CDH3: variants seen among roughly 807,000 people sequenced by gnomAD.
CDH3 encodes the protein cadherin-3.
A neutral mutation model predicts 82.0 loss-of-function variants in CDH3; 54 were observed. That is an observed-to-expected ratio of 0.66 (90% CI 0.53 to 0.83). The LOEUF (loss-of-function observed/expected upper bound fraction) is 0.83. Among genes scored for constraint, CDH3 ranks in the 40% least tolerant of loss-of-function variants. The pLI is 0.00. For missense variants in CDH3, 1,054 were observed against 1,084.6 expected (o/e 0.97, Z 0.40); for synonymous variants, 446 against 437.9 (o/e 1.02, Z -0.23).
intron 2 of CDH3, among the ~76,000 whole-genome samples, chr16:68,649,036 TG>T (rs1960164270): frequency 2.0e-5 from 3 of 152,034 alleles, no homozygotes; most frequent in Non-Finnish European, 2.9e-5. Context: ...TGCCACAGTC[TG>T]GGGGCCACCT....
At chr16:68,727,845 G>A (rs971830121), downstream of CDH3, among the ~76,000 whole-genome samples, 2 of 151,964 alleles carry the variant, frequency 1.3e-5, no homozygotes, top group Non-Finnish European at 2.9e-5. Flanking sequence ...GAAGGCAGAG[G>A]TTGCAATGAG....
At chr16:68,687,801 C>A in intron 12 of CDH3, 65 bp downstream of exon 12, 1 of 1,120,364 alleles carries the variant, frequency 8.9e-7, no homozygotes, top group Non-Finnish European at 1.4e-6. Context: ...TGCCCCACAC[C>A]AGGATTCTGC....
chr16:68,711,553 C>G (rs926589525), intron 1 of CDH3, among the ~76,000 whole-genome samples: 5 of 152,028 alleles, frequency 3.3e-5, no homozygotes, highest in Non-Finnish European at 7.4e-5. Flanking sequence ...ATGCCAGGGA[C>G]GGTATGGTGC....
At chr16:68,660,195 A>G (rs1053758554) in intron 2 of CDH3, among the ~76,000 whole-genome samples, 1 of 152,238 alleles carries the variant, frequency 6.6e-6, no homozygotes, top group South Asian at 2.1e-4. Context: ...TTGAGCTTTC[A>G]TGTTTAAACA....
At chr16:68,659,445 C>G (rs908405449) in intron 2 of CDH3, among the ~76,000 whole-genome samples, 4 of 151,954 alleles carry the variant, frequency 2.6e-5, no homozygotes, top group Admixed American at 2.0e-4. Context: ...TGGTGCATGC[C>G]TGTAGTCCCA....
chr16:68,680,725 C>T (rs1961196571), intron 7 of CDH3, among the ~76,000 whole-genome samples: 1 of 152,102 alleles, frequency 6.6e-6, no homozygotes, highest in African/African-American at 2.4e-5. Context: ...GGTCAGGGGG[C>T]GATGCCAAGG....
chr16:68,646,464 G>A (rs1184861044), intron 2 of CDH3, among the ~76,000 whole-genome samples: 1 of 151,828 alleles, frequency 6.6e-6, no homozygotes, highest in Non-Finnish European at 1.5e-5. Context: ...GCGATGGACG[G>A]GAGATCAAAG....
At chr16:68,683,716 A>G (rs1280044693) in intron 9 of CDH3, among the ~76,000 whole-genome samples, 1 of 59,418 alleles carries the variant, frequency 1.7e-5, no homozygotes, top group African/African-American at 6.6e-5. Flanking sequence ...GAAAAAAAAA[A>G]AAAAAGAAAA....
At chr16:68,646,235 C>G (rs866184749) in intron 2 of CDH3, 74 of 168,428 alleles carry the variant, frequency 4.4e-4, no homozygotes, top group Admixed American at 2.9e-4. Context: ...ACCCCGCCCC[C>G]CTTCTTCCTC....
intron 2 of CDH3, chr16:68,651,472 C>T (rs931176225): frequency 4.5e-5 from 24 of 528,674 alleles, no homozygotes; most frequent in Non-Finnish European, 7.2e-5. Context: ...ACGCACTGGC[C>T]GGCCTTCATG....
In CDH3 at chr16:68,691,895, C is replaced by G. The variant is rs1961590084; in HGVS notation, c.1971C>G (p.Leu657=). The G allele has an allele frequency of 6.2e-7, 1 of 1,613,816 alleles. No individual in the cohort carries two copies. Among genetic ancestry groups the G allele is most frequent in the African/African-American group, 1.3e-5 (1 of 75,040 alleles). The change falls in exon 13 of 16, where the codon CTC becomes CTG. Residue 657 remains leucine (L), a synonymous_variant. Transcript: ENST00000264012. ...GACCCTGGAAGGGAGGTTTCATCCT[C>G]CCTGTGCTGGGGGCTGTCCTGGCTC... is the stretch of plus-strand genomic sequence containing the variant. The part of the protein sequence containing the change: ...CPGPWKGGFI[L]PVLGAVLALL...
In CDH3 at chr16:68,685,366, C is replaced by A. The variant is rs764416775; in HGVS notation, c.1570+16C>A. ...ATGGACAATGGTGAGAGCATCCTCC[C>A]AGCCCTCCCACAAGGGCCACTTTTG... On this transcript the variant is annotated intron_variant, in intron 11 of 15. Transcript: ENST00000264012. 12 of 1,613,566 alleles carry A rather than the reference C, an allele frequency of 7.4e-6. No individual in the cohort carries two copies. The highest frequency in any genetic ancestry group is 1.0e-5 in the Non-Finnish European group (12 of 1,179,882).
Position 68,698,204 on chromosome 16 carries a change from C to T in CDH3, c.2294C>T (p.Ala765Val), listed in dbSNP as rs745575157. ...CTGTTGCCGCAGAACCTGAAGGCGG[C>T]TAACACAGACCCCACAGCCCCGCCC... ...GNFIIENLKA[A>V]NTDPTAPPYD... Residue 765 changes from alanine (A) to valine (V), a missense_variant, in exon 16 of 16, where the codon GCT becomes GTT. Physicochemically the swap from Ala to Val is moderately conservative, Grantham distance 64 (BLOSUM62 0). Coordinates refer to ENST00000264012, the MANE Select transcript of CDH3 (RefSeq NM_001793.6). The T allele has an allele frequency of 1.9e-6, 3 of 1,614,190 alleles. No homozygotes were observed. The highest frequency in any genetic ancestry group is 2.5e-6 in the Non-Finnish European group (3 of 1,180,026).
At chr16:68,693,424 G>A (rs913094494) in intron 13 of CDH3, among the ~76,000 whole-genome samples, 1 of 152,140 alleles carries the variant, frequency 6.6e-6, no homozygotes, top group African/African-American at 2.4e-5. Context: ...TTTCAAGGTA[G>A]AGTCCCTTCA....
At chr16:68,681,888 T>G (rs1189368272) in intron 8 of CDH3, among the ~76,000 whole-genome samples, 1 of 152,180 alleles carries the variant, frequency 6.6e-6, no homozygotes, top group Non-Finnish European at 1.5e-5. Flanking sequence ...GCAACTGATT[T>G]TCCAGTCTTT....
chr16:68,692,105 C>T (rs374336833), intron 13 of CDH3, among the ~76,000 whole-genome samples, 179 bp downstream of exon 13: 2 of 152,160 alleles, frequency 1.3e-5, no homozygotes, highest in African/African-American at 2.4e-5. Flanking sequence ...GGCATGATCT[C>T]GGCTCATTGC....
intron 2 of CDH3, among the ~76,000 whole-genome samples, chr16:68,723,172 A>T (rs973787666): frequency 6.6e-6 from 1 of 151,946 alleles, no homozygotes; most frequent in African/African-American, 2.4e-5. Context: ...ACTCAGCCCA[A>T]TTCTCCTTCT....
intron 2 of CDH3, among the ~76,000 whole-genome samples, chr16:68,646,505 C>CG (rs1359417122): frequency 7.2e-6 from 1 of 139,636 alleles, no homozygotes; most frequent in African/African-American, 2.7e-5. Context: ...TACTCCTACC[C>CG]CCCCCCTCCC....
At chr16:68,684,505 C>T in intron 9 of CDH3, 78 bp from the exon 10 acceptor site, 2 of 1,566,764 alleles carry the variant, frequency 1.3e-6, no homozygotes, top group South Asian at 1.1e-5. Flanking sequence ...TGGTGTTTTC[C>T]TTCTCACATC....
Sources: allele counts gnomAD v4.1 joint callset (sites outside exome capture counted in the v4.1 genomes callset), GRCh38; gene constraint gnomAD v4.1.1; transcripts MANE v1.5; gene names NCBI Gene and HGNC (gene_info 2026-07-23, HGNC 2026-07-21).